Variants in IPO13 observed in about 807,000 individuals in gnomAD.
IPO13 encodes the protein importin-13.
IPO13 carries 28 observed loss-of-function variants against 115.5 expected under a neutral mutation model. The ratio of observed to expected loss-of-function variants is 0.24; its 90% CI spans 0.18 to 0.33. The LOEUF (loss-of-function observed/expected upper bound fraction) is 0.33, where lower values mean the gene tolerates loss of function less well. Ranked by LOEUF, IPO13 falls within the 10% of genes least tolerant of loss-of-function variation. The probability of loss-of-function intolerance (pLI) is 1.00; values close to 1 mark genes in which losing one functional copy is unlikely to be tolerated. For synonymous variants in IPO13, 414 were observed against 478.9 expected (o/e 0.86, Z 1.77); for missense variants, 785 against 1,204.6 (o/e 0.65, Z 5.16).
chr1:43,949,326 G>A, intron 1 of IPO13, 91 bp from the exon 2 acceptor site: 3 of 1,377,216 alleles, frequency 2.2e-6, no homozygotes, highest in Non-Finnish European at 2.9e-6. Flanking sequence ...GGGAGAGGGA[G>A]CAGCCTTGCA....
rs545259245 is a variant in IPO13, at chr1:43,958,944, C to T, written c.2028+55C>T. ...TTTGTCTTTGCCATCCCCCCAACCC[C>T]CACCTGTGGGAATGTCATTGTCACT... On this transcript the variant is annotated intron_variant, in intron 11 of 19. Transcript: ENST00000372343. This position sits in a 1 kb window ranked among gnomAD's most constrained non-coding sequence, Gnocchi z 6.3. The T allele has an allele frequency of 2.0e-6, 3 of 1,532,706 alleles. No homozygotes were observed. The highest frequency in any genetic ancestry group is 1.4e-5 in the African/African-American group (1 of 73,196). The allele number at this position is 1,532,706 out of a possible 1,614,324, so 94.9% of individuals were successfully genotyped here. A position where few individuals can be genotyped will look rare whatever the true frequency, so the allele number is the denominator to read the frequency against.
chr1:43,966,473 C>G lies in IPO13; in HGVS notation c.2398-102C>G, dbSNP rs2085325272. On this transcript the variant is annotated intron_variant, in intron 15 of 19. Coordinates refer to ENST00000372343, the MANE Select transcript of IPO13 (RefSeq NM_014652.4). This position sits in a 1 kb window ranked among gnomAD's most constrained non-coding sequence, Gnocchi z 4.1. ...GCTGGGTAGCTGGTTTTGGCAGCCT[C>G]TACCTGTGAGGTGTGAAGTTGGGGG... 1 of 1,247,818 alleles carries G rather than the reference C, an allele frequency of 8.0e-7. No individual in the cohort carries two copies. The highest frequency in any genetic ancestry group is 1.2e-5 in the South Asian group (1 of 81,038). 77.3% of individuals were successfully genotyped at this position (1,247,818 alleles called of 1,614,324 possible). A position where few individuals can be genotyped will look rare whatever the true frequency, so the allele number is the denominator to read the frequency against.
At chr1:43,963,742 A>G (rs1359147026) in intron 14 of IPO13, among the ~76,000 whole-genome samples, 2 of 152,210 alleles carry the variant, frequency 1.3e-5, no homozygotes, top group Non-Finnish European at 2.9e-5. Flanking sequence ...CCCTAAGGCC[A>G]TTGAAGTGAG....
chr1:43,967,479 C>T lies in IPO13; in HGVS notation c.2778C>T (p.Phe926=). 6.2e-7 allele frequency: 1 copy of T among 1,614,140 alleles called. No individual in the cohort carries two copies. The highest frequency in any genetic ancestry group is 8.5e-7 in the Non-Finnish European group (1 of 1,179,984). Residue 926 remains phenylalanine (F), a synonymous_variant, in exon 19 of 20, where the codon TTC becomes TTT. Transcript: ENST00000372343. This position sits in a 1 kb window ranked among gnomAD's most constrained non-coding sequence, Gnocchi z 6.1. ...TCAGCCCTGAACAGAAGGATACCTT[C>T]AGCCAGCAGATCCTTCGGTGAGCAG... The part of the protein sequence containing the change: ...ARLSPEQKDT[F]SQQILRERVN...
At chr1:43,950,255 T>G (rs1364449564) in intron 2 of IPO13, 102 bp downstream of exon 2, 6 of 1,350,436 alleles carry the variant, frequency 4.4e-6, no homozygotes, top group Non-Finnish European at 6.0e-6. Context: ...TACTGATACC[T>G]GGTCCTATGC....
At chr1:43,951,222 G>A (rs1208689225) in intron 2 of IPO13, among the ~76,000 whole-genome samples, 2 of 152,204 alleles carry the variant, frequency 1.3e-5, no homozygotes. Context: ...GCTGAGCTCT[G>A]GGAGCACAGA....
rs1005645469 is a variant in IPO13 at position 43,952,687 on chromosome 1, A to T, written c.821+2534A>T. Among the ~76,000 whole-genome samples the T allele has an allele frequency of 6.6e-6, 1 of 152,194 alleles. No individual in the cohort carries two copies. The highest frequency in any genetic ancestry group is 6.5e-5 in the Admixed American group (1 of 15,274). Reference sequence around the variant, plus strand: ...GTATATGATACACACACACACATAGATAATGTGCTTAATCACTGCCTTTTG... The same window carrying T: ...GTATATGATACACACACACACATAGTTAATGTGCTTAATCACTGCCTTTTG... On this transcript the variant is annotated intron_variant, in intron 2 of 19. Transcript: ENST00000372343. The surrounding 1 kb of genome is among the most constrained non-coding windows in gnomAD (Gnocchi z 4.7).
chr1:43,947,789 C>CTCTGGGGG, intron 1 of IPO13, 105 bp downstream of exon 1: 1 of 539,322 alleles, frequency 1.9e-6, no homozygotes, highest in Non-Finnish European at 2.9e-6. Context: ...TGGTATGGTG[C>CTCTGGGGG]CCCCAGAGCA....
rs1286298700 is a variant in IPO13 at position 43,956,982 on chromosome 1, G to A, written c.1271+6G>A. ...GAGCAGTTCCGAATTTACAGGTGATGGTAGCAGGCCAACTCCTCTAAAATG... is the reference window on the plus strand; with the variant it reads ...GAGCAGTTCCGAATTTACAGGTGATAGTAGCAGGCCAACTCCTCTAAAATG... On this transcript the variant is annotated splice_donor_region_variant and intron_variant, in intron 5 of 19. Transcript: ENST00000372343. The surrounding 1 kb of genome is among the most constrained non-coding windows in gnomAD (Gnocchi z 4.7). The A allele has an allele frequency of 6.2e-7, 1 of 1,613,704 alleles. No homozygotes were observed. Among genetic ancestry groups the A allele is most frequent in the Non-Finnish European group, 8.5e-7 (1 of 1,179,794 alleles).
At chr1:43,964,659 A>C (rs1045806336) in intron 15 of IPO13, among the ~76,000 whole-genome samples, 4 of 152,016 alleles carry the variant, frequency 2.6e-5, no homozygotes, top group African/African-American at 4.8e-5. Context: ...GTAGGGCTGG[A>C]GTTGAAGGGT....
rs1010242881 is a variant in IPO13 at position 43,958,071 on chromosome 1, C to T, written c.1635C>T (p.Val545=). ...LHALGNPELS[V]SSVSTLKKIC... is the part of the protein sequence containing the mutation. ...CCCTAGGCAATCCTGAGCTGTCTGT[C>T]TCTTCTGTGTCCACCCTCAAGAAGA... is the stretch of plus-strand genomic sequence containing the variant. Residue 545 remains valine (V), a synonymous_variant, in exon 8 of 20, where the codon GTC becomes GTT. Coordinates refer to ENST00000372343, the MANE Select transcript of IPO13 (RefSeq NM_014652.4). This position sits in a 1 kb window ranked among gnomAD's most constrained non-coding sequence, Gnocchi z 6.3. The T allele has an allele frequency of 9.9e-6, 16 of 1,614,052 alleles. No homozygotes were observed. Among genetic ancestry groups the T allele is most frequent in the Non-Finnish European group, 5.1e-6 (6 of 1,180,010 alleles).
In IPO13 at chr1:43,966,320, T is replaced by G; in HGVS notation, c.2398-255T>G. On this transcript the variant is annotated intron_variant, in intron 15 of 19. Transcript: ENST00000372343. This position sits in a 1 kb window ranked among gnomAD's most constrained non-coding sequence, Gnocchi z 4.1. ...TCTGGAACCCAAACTTTCTGCATTATGATCCCCACCCCCAACCTCTCTCAC... is the reference window on the plus strand; with the variant it reads ...TCTGGAACCCAAACTTTCTGCATTAGGATCCCCACCCCCAACCTCTCTCAC... 1 of 575,146 alleles carries G rather than the reference T, an allele frequency of 1.7e-6. No individual in the cohort carries two copies. The highest frequency in any genetic ancestry group is 3.1e-6 in the Non-Finnish European group (1 of 320,648). The allele number at this position is 575,146 out of a possible 1,614,324, so 35.6% of individuals were successfully genotyped here.
intron 7 of IPO13, 39 bp from the exon 8 acceptor site, chr1:43,957,938 C>T (rs932943051): frequency 5.4e-5 from 86 of 1,602,876 alleles, no homozygotes; most frequent in Non-Finnish European, 7.3e-5. Context: ...GCCAGCCTGG[C>T]CTGCCTCAAA....
intron 14 of IPO13, among the ~76,000 whole-genome samples, chr1:43,962,645 A>G (rs2085297655): frequency 6.6e-6 from 1 of 152,164 alleles, no homozygotes; most frequent in Non-Finnish European, 1.5e-5. Flanking sequence ...TCTGACTGGA[A>G]TGTCCTATGC....
chr1:43,965,254 AC>A (rs1222530451), intron 15 of IPO13, among the ~76,000 whole-genome samples: 1 of 151,186 alleles, frequency 6.6e-6, no homozygotes, highest in African/African-American at 2.4e-5. Flanking sequence ...TAGCACGCAG[AC>A]CCCCTAACCT....
Position 43,958,984 on chromosome 1 carries a change from G to C in IPO13, c.2028+95G>C. ...TCATTGTCACTCTTCAATTCTGTGG[G>C]TAATGTTGTCATTGTTCTCCCTGCC... is the stretch of plus-strand genomic sequence containing the variant. On this transcript the variant is annotated intron_variant, in intron 11 of 19. Coordinates refer to ENST00000372343, the MANE Select transcript of IPO13 (RefSeq NM_014652.4). The surrounding 1 kb of genome is among the most constrained non-coding windows in gnomAD (Gnocchi z 6.3). The C allele has an allele frequency of 8.0e-7, 1 of 1,248,278 alleles. No individual in the cohort carries two copies. The highest frequency in any genetic ancestry group is 1.1e-6 in the Non-Finnish European group (1 of 875,556). The allele number at this position is 1,248,278 out of a possible 1,614,324, so 77.3% of individuals were successfully genotyped here. A position where few individuals can be genotyped will look rare whatever the true frequency, so the allele number is the denominator to read the frequency against.
chr1:43,947,027 A>C lies in IPO13; in HGVS notation c.-574A>C, dbSNP rs1571759308. The stretch of plus-strand genomic sequence containing the variant: ...CCGGGCGTTGAGCACAGCGCGGGCC[A>C]GGCCGAACGGAAGGGACCTGCCACA... On this transcript the variant is annotated 5_prime_UTR_variant, in exon 1 of 20. Transcript: ENST00000372343. 2.5e-6 allele frequency: 1 copy of C among 398,756 alleles called. No individual in the cohort carries two copies. Among genetic ancestry groups the C allele is most frequent in the Non-Finnish European group, 4.4e-6 (1 of 226,134 alleles). 24.7% of individuals were successfully genotyped at this position (398,756 alleles called of 1,614,324 possible).
At chr1:43,953,758 G>A (rs1355079260) in intron 2 of IPO13, among the ~76,000 whole-genome samples, 1 of 152,112 alleles carries the variant, frequency 6.6e-6, no homozygotes, top group African/African-American at 2.4e-5. Flanking sequence ...GGAAAAGCTT[G>A]TCCTTGGGAG....
chr1:43,967,920 C>G lies in IPO13; in HGVS notation c.*238C>G. 1 of 584,148 alleles carries G rather than the reference C, an allele frequency of 1.7e-6. No homozygotes were observed. Among genetic ancestry groups the G allele is most frequent in the Non-Finnish European group, 3.1e-6 (1 of 326,772 alleles). 36.2% of individuals were successfully genotyped at this position (584,148 alleles called of 1,614,324 possible). On this transcript the variant is annotated 3_prime_UTR_variant, in exon 20 of 20. Coordinates refer to ENST00000372343, the MANE Select transcript of IPO13 (RefSeq NM_014652.4). The surrounding 1 kb of genome is among the most constrained non-coding windows in gnomAD (Gnocchi z 6.1). ...AAGAGATACTACTGTAGCCAAGCCA[C>G]CTAGGCTGGAGCCCTTCAGAATACT...
Sources: allele counts gnomAD v4.1 joint callset (sites outside exome capture counted in the v4.1 genomes callset), GRCh38; gene constraint gnomAD v4.1.1; non-coding constraint Gnocchi (gnomAD v3.1); transcripts MANE v1.5; gene names NCBI Gene and HGNC (gene_info 2026-07-23, HGNC 2026-07-21).